Variants in ZDHHC21 observed in about 807,000 individuals in gnomAD.
ZDHHC21 encodes palmitoyltransferase ZDHHC21.
In ZDHHC21, 15 loss-of-function variants were observed where a neutral mutation model predicts 34.6. That is an observed-to-expected ratio of 0.43 (90% CI 0.29 to 0.67). ZDHHC21 has a LOEUF of 0.67. ZDHHC21 is among the 30% of genes least tolerant of loss of function. The pLI is 0.14. For synonymous variants in ZDHHC21, 142 were observed against 101.8 expected (o/e 1.40, Z -2.38); for missense variants, 344 against 327.7 (o/e 1.05, Z -0.38).
chr9:14,625,074 T>C (rs1217878134), intron 8 of ZDHHC21, among the ~76,000 whole-genome samples: 1 of 151,796 alleles, frequency 6.6e-6, no homozygotes, highest in African/African-American at 2.4e-5. Context: ...CTCTGATTAG[T>C]ATATGAACAG....
intron 7 of ZDHHC21, among the ~76,000 whole-genome samples, chr9:14,645,389 A>G (rs181050099): frequency 6.3e-4 from 96 of 152,228 alleles, no homozygotes; most frequent in African/African-American, 2.1e-3. Flanking sequence ...TGCTAAATCA[A>G]TTGACTATTC....
At chr9:14,678,333 G>A (rs1199645075) in intron 3 of ZDHHC21, among the ~76,000 whole-genome samples, 10 of 151,770 alleles carry the variant, frequency 6.6e-5, no homozygotes, top group Non-Finnish European at 1.3e-4. Flanking sequence ...CACATGAAAA[G>A]CAAAGTTAAA....
intron 7 of ZDHHC21, among the ~76,000 whole-genome samples, chr9:14,648,822 A>T (rs1830711034): frequency 6.6e-6 from 1 of 152,078 alleles, no homozygotes; most frequent in Admixed American, 6.6e-5. Flanking sequence ...TTACAAATAA[A>T]ATTTTATATA....
intron 7 of ZDHHC21, among the ~76,000 whole-genome samples, chr9:14,647,718 G>A (rs960673697): frequency 6.6e-6 from 1 of 151,878 alleles, no homozygotes; most frequent in Non-Finnish European, 1.5e-5. Flanking sequence ...CATTCTACTC[G>A]TGTTTCACTG....
At chr9:14,590,783 G>A in the ZDHHC21 span, among the ~76,000 whole-genome samples, 1 of 152,114 alleles carries the variant, frequency 6.6e-6, no homozygotes. Flanking sequence ...GATGCTACAT[G>A]AAAACTAGGA....
chr9:14,643,039 G>C (rs1050829652), intron 7 of ZDHHC21, among the ~76,000 whole-genome samples: 1 of 152,188 alleles, frequency 6.6e-6, no homozygotes, highest in East Asian at 1.9e-4. Context: ...AGGAGTTCGA[G>C]ACTAGCCTGG....
chr9:14,672,274 T>C lies in ZDHHC21; in HGVS notation c.253+556A>G, dbSNP rs553272013. On this transcript the variant is annotated intron_variant, in intron 5 of 9. Coordinates refer to ENST00000380916, the MANE Select transcript of ZDHHC21 (RefSeq NM_178566.6). The stretch of plus-strand genomic sequence containing the variant: ...GAATAAATGTCACTATTCTACAGTT[T>C]CAACTCTCTAGGCATTCAATATTAT... Among the ~76,000 whole-genome samples the C allele has an allele frequency of 9.2e-5, 14 of 152,256 alleles. No individual in the cohort carries two copies. The South Asian group carries it at 2.7e-3, about 29-fold the overall frequency.
Position 14,640,107 on chromosome 9 carries a change from C to T in ZDHHC21, c.505-95G>A, listed in dbSNP as rs1311018429. The stretch of plus-strand genomic sequence containing the variant: ...CAAGAATTGAGCCATAACACATCTT[C>T]CTTATTATCTTAAAAGAACTACCTC... On this transcript the variant is annotated intron_variant, in intron 7 of 9. Transcript: ENST00000380916. 27 of 601,122 alleles carry T rather than the reference C, an allele frequency of 4.5e-5. No individual in the cohort carries two copies. The East Asian group carries it at 6.7e-4, about 15-fold the overall frequency. The allele number at this position is 601,122 out of a possible 1,614,324, so 37.2% of individuals were successfully genotyped here. A position where few individuals can be genotyped will look rare whatever the true frequency, so the allele number is the denominator to read the frequency against.
At chr9:14,670,073 G>T (rs950752216) in intron 5 of ZDHHC21, among the ~76,000 whole-genome samples, 74 of 151,798 alleles carry the variant, frequency 4.9e-4, no homozygotes, top group African/African-American at 1.7e-3. Context: ...ACATTGCAAG[G>T]AATATAGACA....
At chr9:14,608,141 T>C (rs1043341121), downstream of ZDHHC21, among the ~76,000 whole-genome samples, 20 of 152,178 alleles carry the variant, frequency 1.3e-4, no homozygotes, top group Non-Finnish European at 2.6e-4. Context: ...AATGAGGATA[T>C]GTGTTCTACA....
chr9:14,641,078 T>C (rs1486791755), intron 7 of ZDHHC21, among the ~76,000 whole-genome samples: 1 of 152,150 alleles, frequency 6.6e-6, no homozygotes, highest in Non-Finnish European at 1.5e-5. Context: ...TACTGATTCA[T>C]GTTAAGGATT....
chr9:14,673,397 T>G (rs9298705), intron 4 of ZDHHC21, among the ~76,000 whole-genome samples: 141,071 of 151,974 alleles, frequency 0.93, 65,582 homozygotes, highest in Non-Finnish European at 0.96. Flanking sequence ...ATTAGTTTGA[T>G]AATTAAGACT....
chr9:14,661,833 G>C (rs1350254892), intron 6 of ZDHHC21, among the ~76,000 whole-genome samples: 2 of 151,990 alleles, frequency 1.3e-5, no homozygotes, highest in African/African-American at 4.8e-5. Flanking sequence ...AATGAAAAGG[G>C]GATATAAACA....
At chr9:14,599,963 T>C in the ZDHHC21 span, among the ~76,000 whole-genome samples, 1 of 152,186 alleles carries the variant, frequency 6.6e-6, no homozygotes, top group East Asian at 1.9e-4. Context: ...TACCCCTTCA[T>C]GCTAAAAACT....
intron 5 of ZDHHC21, among the ~76,000 whole-genome samples, chr9:14,670,125 C>T (rs547769306): frequency 3.3e-5 from 5 of 151,994 alleles, no homozygotes; most frequent in African/African-American, 7.2e-5. Context: ...CACTAAAAGG[C>T]GATATAAAAA....
In ZDHHC21 at chr9:14,619,672, G is replaced by C; in HGVS notation, c.632C>G (p.Ser211Cys). The C allele has an allele frequency of 7.2e-7, 1 of 1,396,806 alleles. No individual in the cohort carries two copies. The highest frequency in any genetic ancestry group is 9.9e-7 in the Non-Finnish European group (1 of 1,013,830). 86.5% of individuals were successfully genotyped at this position (1,396,806 alleles called of 1,614,324 possible). The change falls in exon 9 of 10, where the codon TCT becomes TGT. Residue 211 changes from serine to cysteine, a missense_variant. By Grantham distance (112) the Ser-to-Cys change is moderately radical. Coordinates refer to ENST00000380916, the MANE Select transcript of ZDHHC21 (RefSeq NM_178566.6). ...QLIGIITDTT[S>C]IEKMSNCCED... Reference sequence around the variant, plus strand: ...ACAACAGTTTGACATCTTTTCAATAGATGTTGTATCCTATTAAAAATAAAA... The same window carrying C: ...ACAACAGTTTGACATCTTTTCAATACATGTTGTATCCTATTAAAAATAAAA...
chr9:14,637,064 G>A (rs1049670051), intron 8 of ZDHHC21, among the ~76,000 whole-genome samples: 24 of 151,642 alleles, frequency 1.6e-4, no homozygotes, highest in Non-Finnish European at 8.8e-5. Flanking sequence ...CAGATGAGAC[G>A]TAAAAGCAAA....
At chr9:14,619,834 A>T (rs539439887) in intron 8 of ZDHHC21, 152 bp from the exon 9 acceptor site, 24 of 391,070 alleles carry the variant, frequency 6.1e-5, no homozygotes, top group Non-Finnish European at 2.0e-5. Context: ...ATTATCTTTC[A>T]TACATTGCTG....
intron 5 of ZDHHC21, among the ~76,000 whole-genome samples, chr9:14,665,989 C>T (rs886328431): frequency 1.3e-5 from 2 of 149,486 alleles, no homozygotes; most frequent in African/African-American, 2.4e-5. Flanking sequence ...ATCAAATTCA[C>T]ACATAACAAT....
Sources: gnomAD v4.1 joint callset for allele counts (sites outside exome capture counted in the v4.1 genomes callset) on GRCh38, gnomAD v4.1.1 for gene constraint, MANE v1.5 for transcripts, NCBI Gene and HGNC (gene_info 2026-07-23, HGNC 2026-07-21) for gene names.